The following STRBP variants were observed in gnomAD, a reference collection of about 807,000 sequenced individuals.
The protein encoded by STRBP is spermatid perinuclear RNA-binding protein.
Under a neutral mutation model 80.1 loss-of-function variants are expected in STRBP, and 13 were observed. The ratio of observed to expected loss-of-function variants is 0.16; its 90% CI spans 0.11 to 0.26. STRBP has a LOEUF of 0.26. Among genes scored for constraint, STRBP ranks in the 10% least tolerant of loss-of-function variants. The pLI, the probability that STRBP is intolerant of heterozygous loss-of-function variation, is 1.00. For synonymous variants in STRBP, 284 were observed against 291.2 expected (o/e 0.98, Z 0.25); for missense variants, 485 against 815.2 (o/e 0.59, Z 4.93).
At chr9:123,239,481 G>A (rs1166572041) in intron 1 of STRBP, among the ~76,000 whole-genome samples, 2 of 152,046 alleles carry the variant, frequency 1.3e-5, no homozygotes, top group African/African-American at 4.8e-5. Flanking sequence ...ACAAAGGCCT[G>A]TCCCAATGAC....
intron 1 of STRBP, among the ~76,000 whole-genome samples, chr9:123,254,892 G>C (rs867782346): frequency 6.6e-6 from 1 of 152,144 alleles, no homozygotes; most frequent in Non-Finnish European, 1.5e-5. Context: ...ATAAAGAGAC[G>C]ACTAATGTGA....
chr9:123,180,029 G>A (rs976750581), intron 3 of STRBP, among the ~76,000 whole-genome samples: 2 of 152,120 alleles, frequency 1.3e-5, no homozygotes, highest in Non-Finnish European at 2.9e-5. Flanking sequence ...TGAGGTGGGA[G>A]GATCGCTTGA....
At chr9:123,135,325 GATGTT>G (rs1010516352) in intron 16 of STRBP, among the ~76,000 whole-genome samples, 1 of 152,042 alleles carries the variant, frequency 6.6e-6, no homozygotes, top group Non-Finnish European at 1.5e-5. Context: ...AATATATTCA[GATGTT>G]ATGTTATTAT....
At chr9:123,233,560 A>G (rs1462572014) in intron 2 of STRBP, among the ~76,000 whole-genome samples, 1 of 152,258 alleles carries the variant, frequency 6.6e-6, no homozygotes, top group Non-Finnish European at 1.5e-5. Context: ...TGTAAGATAC[A>G]GTTAATGAAA....
intron 2 of STRBP, among the ~76,000 whole-genome samples, chr9:123,202,138 G>A (rs575540335): frequency 5.3e-5 from 8 of 152,242 alleles, no homozygotes; most frequent in African/African-American, 1.9e-4. Context: ...TGAGTTTCTT[G>A]AAGACAGCAG....
intron 2 of STRBP, among the ~76,000 whole-genome samples, chr9:123,190,735 G>A (rs1042334703): frequency 2.0e-5 from 3 of 152,196 alleles, no homozygotes; most frequent in Admixed American, 6.5e-5. Context: ...CAGCTAAGTC[G>A]AACCAGAATG....
At chr9:123,131,537 G>A (rs1033591481) in intron 17 of STRBP, among the ~76,000 whole-genome samples, 1 of 152,198 alleles carries the variant, frequency 6.6e-6, no homozygotes, top group Admixed American at 6.5e-5. Flanking sequence ...TCTTCTTTGA[G>A]TTAACTCCTA....
rs1298067160 is a variant in STRBP, at chr9:123,126,111, T to C, written c.1943-438A>G. Among the ~76,000 whole-genome samples the C allele has an allele frequency of 6.6e-6, 1 of 152,238 alleles. No individual in the cohort carries two copies. Among genetic ancestry groups the C allele is most frequent in the Non-Finnish European group, 1.5e-5 (1 of 68,038 alleles). On this transcript the variant is annotated intron_variant, in intron 18 of 18. Coordinates refer to ENST00000348403, the MANE Select transcript of STRBP (RefSeq NM_018387.5). The surrounding 1 kb of genome is among the most constrained non-coding windows in gnomAD (Gnocchi z 4.4). ...CTGGAGCCATGGCCAGGCGTTTACTTAACTTCTTAATGGCTATGGCCAATA... is the reference window on the plus strand; with the variant it reads ...CTGGAGCCATGGCCAGGCGTTTACTCAACTTCTTAATGGCTATGGCCAATA...
At chr9:123,211,327 A>G (rs1350709423) in intron 2 of STRBP, among the ~76,000 whole-genome samples, 1 of 152,246 alleles carries the variant, frequency 6.6e-6, no homozygotes, top group African/African-American at 2.4e-5. Flanking sequence ...CCAAAATAAA[A>G]AAGTATTCCT....
rs149882142 is a variant in STRBP, at chr9:123,165,316, G to A, written c.536-4248C>T. On this transcript the variant is annotated intron_variant, in intron 6 of 18. Transcript: ENST00000348403. ...AAAAAAAAAGTTTGCCCTGGATAAC[G>A]TAGATCCAGAAACTAGGGAAGGCAG... is the stretch of plus-strand genomic sequence containing the variant. Among the ~76,000 whole-genome samples the A allele has an allele frequency of 9.5e-3, 1,436 of 150,650 alleles. 13 individuals carry two copies. The highest frequency in any genetic ancestry group is 0.015 in the Non-Finnish European group (1,039 of 67,754).
intron 1 of STRBP, among the ~76,000 whole-genome samples, chr9:123,247,606 A>G (rs1310564921): frequency 2.0e-5 from 3 of 152,302 alleles, no homozygotes; most frequent in African/African-American, 7.2e-5. Context: ...ACCCTAGGCA[A>G]CTGATTAGTC....
chr9:123,151,083 T>A (rs1028919078), intron 11 of STRBP, among the ~76,000 whole-genome samples: 1 of 152,072 alleles, frequency 6.6e-6, no homozygotes, highest in Non-Finnish European at 1.5e-5. Context: ...GATATCATGA[T>A]CAAAAATCAA....
rs969165856 is a variant in STRBP, at chr9:123,134,147, A to G, written c.1774-1179T>C. ...CAAACTAAATTTTAAGAAAATCAAA[A>G]GGTGTCTAGTTTCAAATTGAATATT... On this transcript the variant is annotated intron_variant, in intron 16 of 18. Coordinates refer to ENST00000348403, the MANE Select transcript of STRBP (RefSeq NM_018387.5). Among the ~76,000 whole-genome samples, 20 of 152,336 alleles carry G rather than the reference A, an allele frequency of 1.3e-4. No individual in the cohort carries two copies. The South Asian group carries it at 1.9e-3, about 14-fold the overall frequency.
intron 2 of STRBP, among the ~76,000 whole-genome samples, chr9:123,211,408 G>C (rs2132533817): frequency 6.6e-6 from 1 of 152,260 alleles, no homozygotes; most frequent in South Asian, 2.1e-4. Context: ...ATTCAGGTTT[G>C]AATTCTGTCG....
intron 3 of STRBP, chr9:123,114,781 G>A: frequency 4.4e-6 from 1 of 224,794 alleles, no homozygotes; most frequent in South Asian, 8.6e-5. Context: ...TCCAGGAGAA[G>A]TACTCCAGCA....
chr9:123,132,180 A>C (rs184352685), intron 17 of STRBP, among the ~76,000 whole-genome samples: 2 of 152,346 alleles, frequency 1.3e-5, no homozygotes, highest in Admixed American at 1.3e-4. Flanking sequence ...CCTACATTCA[A>C]ATCCTTGCTC....
At chr9:123,241,742 C>A (rs1382814913) in intron 1 of STRBP, among the ~76,000 whole-genome samples, 1 of 152,130 alleles carries the variant, frequency 6.6e-6, no homozygotes, top group African/African-American at 2.4e-5. Context: ...GAATAATCAC[C>A]TTTCACCTGG....
intron 2 of STRBP, among the ~76,000 whole-genome samples, chr9:123,185,599 TA>T (rs2038665431): frequency 6.6e-6 from 1 of 152,174 alleles, no homozygotes; most frequent in Admixed American, 6.5e-5. Context: ...AACATAATAC[TA>T]AATACAATAC....
intron 1 of STRBP, among the ~76,000 whole-genome samples, chr9:123,263,226 G>A (rs1463528577): frequency 2.6e-5 from 4 of 151,992 alleles, no homozygotes; most frequent in Non-Finnish European, 4.4e-5. Flanking sequence ...GATCACTATC[G>A]GAGCTGGGTA....
Sources: allele counts gnomAD v4.1 joint callset (sites outside exome capture counted in the v4.1 genomes callset), GRCh38; gene constraint gnomAD v4.1.1; non-coding constraint Gnocchi (gnomAD v3.1); transcripts MANE v1.5; gene names NCBI Gene and HGNC (gene_info 2026-07-23, HGNC 2026-07-21).